PTPRN2: variants seen among roughly 807,000 people sequenced by gnomAD.
The protein encoded by PTPRN2 is protein tyrosine phosphatase receptor type N2, also known as receptor-type tyrosine-protein phosphatase N2.
A neutral mutation model predicts 118.8 loss-of-function variants in PTPRN2; 74 were observed. That is an observed-to-expected ratio of 0.62 (90% CI 0.52 to 0.76). PTPRN2 has a LOEUF of 0.76. Ranked by LOEUF, PTPRN2 falls within the 30% of genes least tolerant of loss-of-function variation. The pLI, the probability that PTPRN2 is intolerant of heterozygous loss-of-function variation, is 0.00. For missense variants in PTPRN2, 1,481 were observed against 1,394.4 expected, an observed-to-expected ratio of 1.06 and a Z score of -0.99; for synonymous variants, 641 against 608.0, an observed-to-expected ratio of 1.05 and a Z score of -0.80.
chr7:158,295,041 G>A (rs2151030219), intron 3 of PTPRN2, among the ~76,000 whole-genome samples: 1 of 143,660 alleles, frequency 7.0e-6, no homozygotes, highest in East Asian at 2.1e-4. Context: ...CCTTTCTGAG[G>A]GTCCAAGCCC....
chr7:158,212,000 G>A (rs933606121), intron 3 of PTPRN2, among the ~76,000 whole-genome samples: 35 of 152,178 alleles, frequency 2.3e-4, no homozygotes, highest in Middle Eastern at 3.2e-3. Flanking sequence ...TTTTAAAAAT[G>A]TGGTACCTCT....
intron 11 of PTPRN2, among the ~76,000 whole-genome samples, chr7:158,054,648 G>A (rs1296091860): frequency 6.6e-6 from 1 of 152,132 alleles, no homozygotes; most frequent in African/African-American, 2.4e-5. Flanking sequence ...GCCCAGTAAT[G>A]GGGGTGCATG....
chr7:158,013,689 A>C (rs1806208947), intron 11 of PTPRN2, among the ~76,000 whole-genome samples: 2 of 150,680 alleles, frequency 1.3e-5, no homozygotes, highest in Admixed American at 6.6e-5. Flanking sequence ...CTCTCCATCC[A>C]TTCACCCACC....
chr7:158,047,890 CAGG>C (rs1809002384), intron 11 of PTPRN2, among the ~76,000 whole-genome samples: 2 of 152,160 alleles, frequency 1.3e-5, no homozygotes, highest in Admixed American at 6.5e-5. Flanking sequence ...TGTGGCATTA[CAGG>C]AGGATGAACA....
rs1273769323 is a variant in PTPRN2, at chr7:158,451,013, G to A, written c.163+38722C>T. Among the ~76,000 whole-genome samples the A allele has an allele frequency of 3.9e-5, 6 of 152,230 alleles. No individual in the cohort carries two copies. The East Asian group carries it at 9.6e-4, about 24-fold the overall frequency. ...CCCGCCCCACGTCGCAGCTGCACCT[G>A]GAGCTGGTGCTTCCGGTTTTTGCCC... On this transcript the variant is annotated intron_variant, in intron 2 of 22. Coordinates refer to ENST00000389418, the MANE Select transcript of PTPRN2 (RefSeq NM_002847.5).
intron 12 of PTPRN2, among the ~76,000 whole-genome samples, chr7:157,858,076 A>G (rs1237230781): frequency 7.6e-6 from 1 of 131,674 alleles, no homozygotes; most frequent in Non-Finnish European, 1.7e-5. Flanking sequence ...CTGCAGGGAG[A>G]ACCCCGTCAC....
At chr7:157,545,886 G>T (rs4716755) in intron 22 of PTPRN2, among the ~76,000 whole-genome samples, 17,266 of 152,092 alleles carry the variant, frequency 0.11, 1,100 homozygotes, top group Middle Eastern at 0.15. Flanking sequence ...GCCTCCTCTT[G>T]GCTTCGTAGA....
intron 11 of PTPRN2, among the ~76,000 whole-genome samples, chr7:158,079,943 G>A (rs1034085153): frequency 1.3e-5 from 2 of 152,174 alleles, no homozygotes; most frequent in Admixed American, 6.5e-5. Context: ...TGAGACTGGG[G>A]ACTCAAGTCT....
At chr7:157,833,150 G>A (rs1002757612) in intron 12 of PTPRN2, among the ~76,000 whole-genome samples, 7 of 150,372 alleles carry the variant, frequency 4.7e-5, no homozygotes, top group African/African-American at 1.7e-4. Context: ...CCATATGATC[G>A]TAAACTCGTT....
intron 3 of PTPRN2, among the ~76,000 whole-genome samples, chr7:158,208,610 G>A (rs1009661316): frequency 3.3e-5 from 5 of 152,140 alleles, no homozygotes; most frequent in Non-Finnish European, 7.4e-5. Flanking sequence ...AAAAGCTGAA[G>A]GATTCCATCA....
At chr7:157,600,337 T>C (rs1331627263) in intron 16 of PTPRN2, among the ~76,000 whole-genome samples, 1 of 152,254 alleles carries the variant, frequency 6.6e-6, no homozygotes, top group African/African-American at 2.4e-5. Context: ...AAAACCACCA[T>C]TTGACTTCTC....
At chr7:157,563,603 T>C (rs770929900) in intron 21 of PTPRN2, among the ~76,000 whole-genome samples, 19 of 55,346 alleles carry the variant, frequency 3.4e-4, no homozygotes, top group East Asian at 6.4e-4. Flanking sequence ...CCACACCACA[T>C]GCAGCAGATC....
intron 12 of PTPRN2, among the ~76,000 whole-genome samples, chr7:157,746,818 T>C (rs1045805847): frequency 1.3e-4 from 20 of 152,160 alleles, no homozygotes; most frequent in Non-Finnish European, 2.6e-4. Context: ...AGTGTGGGAA[T>C]CCGCATGTGT....
Position 157,629,004 on chromosome 7 carries a change from C to T in PTPRN2, c.2197-7495G>A, listed in dbSNP as rs536574334. ...TGCTAGTTAACAAGGACAATTTCTC[C>T]GGTGGGAAGAGCACACCAGCATCCC... On this transcript the variant is annotated intron_variant, in intron 14 of 22. Transcript: ENST00000389418. The surrounding 1 kb of genome is among the most constrained non-coding windows in gnomAD (Gnocchi z 4.4). 2.6e-4 allele frequency among the ~76,000 whole-genome samples: 40 copies of T among 152,236 alleles called. No homozygotes were observed. The highest frequency in any genetic ancestry group is 7.2e-4 in the African/African-American group (30 of 41,542).
intron 2 of PTPRN2, among the ~76,000 whole-genome samples, chr7:158,396,106 G>A (rs1812474542): frequency 6.6e-6 from 1 of 152,188 alleles, no homozygotes; most frequent in Non-Finnish European, 1.5e-5. Flanking sequence ...AGGCTGCAGA[G>A]GCAGCGAAGG....
At chr7:157,899,186 A>G (rs1207746654) in intron 11 of PTPRN2, among the ~76,000 whole-genome samples, 1 of 152,268 alleles carries the variant, frequency 6.6e-6, no homozygotes, top group African/African-American at 2.4e-5. Flanking sequence ...TTCTGCCATC[A>G]GCACCGCCAG....
intron 3 of PTPRN2, among the ~76,000 whole-genome samples, chr7:158,278,174 G>A (rs1292609159): frequency 1.3e-5 from 2 of 152,180 alleles, no homozygotes; most frequent in African/African-American, 2.4e-5. Context: ...AGAGCCAGAA[G>A]GATGTAGGAA....
At chr7:157,663,184 C>T (rs1048470168) in intron 13 of PTPRN2, among the ~76,000 whole-genome samples, 8 of 152,232 alleles carry the variant, frequency 5.3e-5, no homozygotes, top group African/African-American at 1.4e-4. Flanking sequence ...CGACTCCCTG[C>T]AGGTACGGCA....
chr7:158,527,447 A>G (rs1451471440), intron 1 of PTPRN2, among the ~76,000 whole-genome samples: 2 of 152,218 alleles, frequency 1.3e-5, no homozygotes, highest in Admixed American at 6.5e-5. Flanking sequence ...AGGTGAAGGA[A>G]CATGTCTGAC....
Sources: allele counts gnomAD v4.1 joint callset (sites outside exome capture counted in the v4.1 genomes callset), GRCh38; gene constraint gnomAD v4.1.1; non-coding constraint Gnocchi (gnomAD v3.1); transcripts MANE v1.5; gene names NCBI Gene and HGNC (gene_info 2026-07-23, HGNC 2026-07-21).